FA2H: variants seen among roughly 807,000 people sequenced by gnomAD.
The protein encoded by FA2H is fatty acid alpha-hydroxylase.
Under a neutral mutation model 44.9 loss-of-function variants are expected in FA2H, and 22 were observed. The observed-to-expected ratio is 0.49, with a 90% CI of 0.35 to 0.70. The LOEUF is 0.70. Ranked by LOEUF, FA2H falls within the 30% of genes least tolerant of loss-of-function variation. FA2H has a pLI of 0.01. For missense variants in FA2H, 501 were observed against 504.9 expected, an observed-to-expected ratio of 0.99 and a Z score of 0.07; for synonymous variants, 243 against 213.2, an observed-to-expected ratio of 1.14 and a Z score of -1.22.
In FA2H at chr16:74,714,254, G is replaced by A. The variant is rs375479162; in HGVS notation, c.1055C>T (p.Thr352Ile). ...GTGGAAACAGTAATCCCACAATTTA[G>A]TGCTGATACCAAATCCTAGAGAGGG... ...AHQKSGFGIS[T>I]KLWDYCFHTL... The change falls in exon 7 of 7, where the codon ACT (threonine) becomes ATT (isoleucine). Residue 352 changes from threonine (T) to isoleucine (I), a missense_variant. Physicochemically the swap from Thr to Ile is moderately conservative, Grantham distance 89. Coordinates refer to ENST00000219368, the MANE Select transcript of FA2H (RefSeq NM_024306.5). The A allele has an allele frequency of 5.1e-6, 8 of 1,560,940 alleles. No individual in the cohort carries two copies. The highest frequency in any genetic ancestry group is 3.8e-5 in the Admixed American group (2 of 52,314).
intron 2 of FA2H, among the ~76,000 whole-genome samples, chr16:74,737,093 T>A (rs1288750215): frequency 2.0e-5 from 3 of 152,196 alleles, no homozygotes; most frequent in Non-Finnish European, 4.4e-5. Flanking sequence ...AGCGAACTTC[T>A]GCAAACCCCT....
At chr16:74,743,411 C>G (rs2144639134) in intron 1 of FA2H, among the ~76,000 whole-genome samples, 1 of 152,350 alleles carries the variant, frequency 6.6e-6, no homozygotes, top group South Asian at 2.1e-4. Flanking sequence ...CTGGAAGTAT[C>G]CTGAGTGACA....
chr16:74,760,250 G>A (rs1182362349), intron 1 of FA2H, among the ~76,000 whole-genome samples: 2 of 152,294 alleles, frequency 1.3e-5, no homozygotes, highest in South Asian at 4.1e-4. Flanking sequence ...AGGCCCCCGA[G>A]GGAGCATGCT....
chr16:74,769,061 G>C (rs1033857014), intron 1 of FA2H, among the ~76,000 whole-genome samples: 4 of 152,066 alleles, frequency 2.6e-5, no homozygotes, highest in Non-Finnish European at 5.9e-5. Flanking sequence ...TGGGTGGCAG[G>C]CTTGGGGCTC....
chr16:74,731,913 C>T lies in FA2H; in HGVS notation c.364-4527G>A, dbSNP rs544541671. On this transcript the variant is annotated intron_variant, in intron 2 of 6. Transcript: ENST00000219368. The stretch of plus-strand genomic sequence containing the variant: ...TTTGAGACAGGGACTTGCTCTGTTG[C>T]CCAAGTGAGAGTGCGGTGGCATGGC... Among the ~76,000 whole-genome samples, 27 of 152,300 alleles carry T rather than the reference C, an allele frequency of 1.8e-4. No homozygotes were observed. In the South Asian group the frequency reaches 2.9e-3, roughly 16 times the overall value.
intron 6 of FA2H, among the ~76,000 whole-genome samples, chr16:74,716,102 G>T (rs1186306699): frequency 6.6e-6 from 1 of 152,146 alleles, no homozygotes; most frequent in South Asian, 2.1e-4. Context: ...TTACAGGTGT[G>T]AGCCACCACA....
chr16:74,719,292 T>TA lies in FA2H; in HGVS notation c.614-133dup, dbSNP rs939232748. On this transcript the variant is annotated intron_variant, in intron 4 of 6. Transcript: ENST00000219368. Reference sequence around the variant, plus strand: ...GTTGGACAGCTACAGGGCCAGGCCATACTGCTGGGGTCCTTGAGTCAAAAT... The same window carrying TA: ...GTTGGACAGCTACAGGGCCAGGCCATAACTGCTGGGGTCCTTGAGTCAAAAT... 12 of 751,918 alleles carry TA rather than the reference T, an allele frequency of 1.6e-5. No individual in the cohort carries two copies. In the African/African-American group the frequency reaches 2.1e-4, roughly 13 times the overall value. The allele number at this position is 751,918 out of a possible 1,614,324, so 46.6% of individuals were successfully genotyped here. A position where few individuals can be genotyped will look rare whatever the true frequency, so the allele number is the denominator to read the frequency against.
intron 1 of FA2H, among the ~76,000 whole-genome samples, chr16:74,754,483 C>T (rs572405948): frequency 2.6e-5 from 4 of 152,218 alleles, no homozygotes; most frequent in South Asian, 2.1e-4. Context: ...AACTCATGTC[C>T]GCCCAGAGCT....
chr16:74,766,381 A>T (rs914486153), intron 1 of FA2H, among the ~76,000 whole-genome samples: 3 of 152,130 alleles, frequency 2.0e-5, no homozygotes, highest in African/African-American at 7.2e-5. Context: ...AGTGAAGGGG[A>T]AAAAAGCAGA....
chr16:74,727,869 C>T (rs1597547336), intron 2 of FA2H, among the ~76,000 whole-genome samples: 1 of 152,262 alleles, frequency 6.6e-6, no homozygotes, highest in South Asian at 2.1e-4. Context: ...GGGCTCTTTT[C>T]CCCAGGCTTC....
intron 1 of FA2H, among the ~76,000 whole-genome samples, chr16:74,764,619 G>A (rs970521028): frequency 6.6e-6 from 1 of 151,988 alleles, no homozygotes; most frequent in East Asian, 1.9e-4. Flanking sequence ...TAACTAATGG[G>A]TACTAGACTT....
intron 1 of FA2H, among the ~76,000 whole-genome samples, chr16:74,742,478 C>A (rs1429526685): frequency 6.6e-6 from 1 of 152,174 alleles, no homozygotes; most frequent in South Asian, 2.1e-4. Context: ...AGGACAGGCA[C>A]GAGCAGAATG....
At chr16:74,748,276 C>T (rs1962463503) in intron 1 of FA2H, among the ~76,000 whole-genome samples, 1 of 152,190 alleles carries the variant, frequency 6.6e-6, no homozygotes, top group Non-Finnish European at 1.5e-5. Flanking sequence ...TAGTGCAAAC[C>T]TTGTTCTATT....
intron 1 of FA2H, among the ~76,000 whole-genome samples, chr16:74,757,375 C>T (rs1395818970): frequency 6.6e-6 from 1 of 152,162 alleles, no homozygotes; most frequent in Admixed American, 6.5e-5. Flanking sequence ...AACAGGCATT[C>T]TCACACGTTT....
chr16:74,773,550 T>C (rs577063082), intron 1 of FA2H, among the ~76,000 whole-genome samples: 2 of 152,292 alleles, frequency 1.3e-5, no homozygotes, highest in East Asian at 3.9e-4. Context: ...GGCCTGAGCC[T>C]ACCTGGAATC....
chr16:74,727,179 T>C (rs1027594588), intron 3 of FA2H, 65 bp downstream of exon 3: 72 of 1,609,812 alleles, frequency 4.5e-5, no homozygotes, highest in Non-Finnish European at 5.4e-5. Flanking sequence ...CCCCTCCCTT[T>C]CCATATCTGA....
At chr16:74,742,182 A>G (rs1027388250) in intron 1 of FA2H, among the ~76,000 whole-genome samples, 3 of 152,184 alleles carry the variant, frequency 2.0e-5, no homozygotes, top group African/African-American at 7.2e-5. Context: ...CTCTGCAAGC[A>G]GCCAACGTCT....
At chr16:74,766,212 T>A (rs1008718403) in intron 1 of FA2H, among the ~76,000 whole-genome samples, 5 of 151,740 alleles carry the variant, frequency 3.3e-5, no homozygotes, top group African/African-American at 1.2e-4. Context: ...GGCAGGAGAA[T>A]CACTTGAACC....
chr16:74,748,837 G>C (rs1042456847), intron 1 of FA2H, among the ~76,000 whole-genome samples: 9 of 152,202 alleles, frequency 5.9e-5, no homozygotes, highest in Non-Finnish European at 8.8e-5. Context: ...TGGGCACCGC[G>C]GGACGGACAG....
Sources: gnomAD v4.1 joint callset for allele counts (sites outside exome capture counted in the v4.1 genomes callset) on GRCh38, gnomAD v4.1.1 for gene constraint, MANE v1.5 for transcripts, NCBI Gene and HGNC (gene_info 2026-07-23, HGNC 2026-07-21) for gene names.